The following GPCPD1 variants were observed in gnomAD, a reference collection of about 807,000 sequenced individuals.
GPCPD1 encodes the protein glycerophosphocholine phosphodiesterase GPCPD1.
Under a neutral mutation model 89.2 loss-of-function variants are expected in GPCPD1, and 29 were observed. The observed-to-expected ratio is 0.33, with a 90% CI of 0.24 to 0.44. The LOEUF (loss-of-function observed/expected upper bound fraction) is 0.44, where lower values mean the gene tolerates loss of function less well. Ranked by LOEUF, GPCPD1 falls within the 20% of genes least tolerant of loss-of-function variation. GPCPD1 has a pLI of 1.00. For missense variants in GPCPD1, 594 were observed against 808.9 expected (o/e 0.73, Z 3.22); for synonymous variants, 258 against 266.3 (o/e 0.97, Z 0.30).
chr20:5,577,709 T>G (rs1231215296), intron 8 of GPCPD1, among the ~76,000 whole-genome samples: 1 of 152,054 alleles, frequency 6.6e-6, no homozygotes, highest in Non-Finnish European at 1.5e-5. Flanking sequence ...TAATCTAGTA[T>G]AAATGGGTGT....
chr20:5,590,544 A>AAAAAAAAAAAAAAAAG (rs1979255962), intron 4 of GPCPD1, among the ~76,000 whole-genome samples: 1 of 150,274 alleles, frequency 6.7e-6, no homozygotes, highest in Non-Finnish European at 1.5e-5. Flanking sequence ...CTCTGTCTCA[A>AAAAAAAAAAAAAAAAG]AAAAAAAAAT....
chr20:5,566,669 G>A (rs1276548783), intron 14 of GPCPD1, 64 bp downstream of exon 14: 1 of 950,694 alleles, frequency 1.1e-6, no homozygotes, highest in East Asian at 2.4e-5. Context: ...TGCTAAAATC[G>A]ATTTTAAAAA....
At chr20:5,549,541 A>G in intron 19 of GPCPD1, 1 of 954,450 alleles carries the variant, frequency 1.0e-6, no homozygotes. Context: ...CAAGCAATCG[A>G]GATTTTGGAG....
chr20:5,552,575 T>G (rs1985485050), intron 19 of GPCPD1, among the ~76,000 whole-genome samples: 1 of 152,242 alleles, frequency 6.6e-6, no homozygotes, highest in African/African-American at 2.4e-5. Flanking sequence ...TTGTAATCAT[T>G]CCTTGTAACA....
Position 5,578,472 on chromosome 20 carries a change from A to G in GPCPD1, c.613T>C (p.Cys205Arg), listed in dbSNP as rs948314396. ...CGATCAGGCTGCAAGCCATAACCAC[A>G]CTCCGGCTGTGAATGCCTGCACTTG... The part of the protein sequence containing the change: ...EFKCRHSQPE[C>R]GYGLQPDRWT... Residue 205 changes from cysteine (C) to arginine (R), a missense_variant, in exon 8 of 20, where the codon TGT (cysteine) becomes CGT (arginine). Physicochemically the swap from Cys to Arg is radical, Grantham distance 180. Coordinates refer to ENST00000379019, the MANE Select transcript of GPCPD1 (RefSeq NM_019593.5). 7 of 1,613,620 alleles carry G rather than the reference A, an allele frequency of 4.3e-6. No individual in the cohort carries two copies. The highest frequency in any genetic ancestry group is 5.9e-6 in the Non-Finnish European group (7 of 1,179,780).
intron 19 of GPCPD1, among the ~76,000 whole-genome samples, chr20:5,553,724 C>T (rs959943421): frequency 1.3e-5 from 2 of 152,102 alleles, no homozygotes; most frequent in African/African-American, 4.8e-5. Context: ...TTTCCTTAAG[C>T]CAAAACCTAA....
At chr20:5,566,848 TGAAAAACTAGCAA>T (rs1986418882) in intron 13 of GPCPD1, 76 bp from the exon 14 acceptor site, 1 of 906,760 alleles carries the variant, frequency 1.1e-6, no homozygotes, top group South Asian at 1.4e-5. Context: ...GAAAATATCC[TGAAAAACTAGCAA>T]GATAAAAAAG....
chr20:5,568,245 T>C (rs1178484119), intron 12 of GPCPD1, among the ~76,000 whole-genome samples: 2 of 148,726 alleles, frequency 1.3e-5, no homozygotes, highest in African/African-American at 2.5e-5. Flanking sequence ...TATATATATA[T>C]ACTTAGTATA....
intron 10 of GPCPD1, among the ~76,000 whole-genome samples, chr20:5,575,012 T>C (rs1343402628): frequency 6.6e-6 from 1 of 152,198 alleles, no homozygotes; most frequent in Admixed American, 6.5e-5. Context: ...GAGGTCCAAG[T>C]TAACTAATAT....
rs1243650676 is a variant in GPCPD1 at position 5,597,763 on chromosome 20, G to A, written c.146+962C>T. On this transcript the variant is annotated intron_variant, in intron 3 of 19. Coordinates refer to ENST00000379019, the MANE Select transcript of GPCPD1 (RefSeq NM_019593.5). ...TAACTGAGGCCTACAGACATCAGCCGCCCAAGTTCACACTTAACTGCAGAA... is the reference window on the plus strand; with the variant it reads ...TAACTGAGGCCTACAGACATCAGCCACCCAAGTTCACACTTAACTGCAGAA... Among the ~76,000 whole-genome samples the A allele has an allele frequency of 5.3e-5, 8 of 152,092 alleles. No homozygotes were observed. The South Asian group carries it at 1.2e-3, about 24-fold the overall frequency.
chr20:5,557,806 C>T (rs545740267), intron 19 of GPCPD1, 139 bp downstream of exon 19: 34 of 577,566 alleles, frequency 5.9e-5, no homozygotes, highest in African/African-American at 5.9e-4. Flanking sequence ...ACTTTGAAAA[C>T]ACCCACAGGC....
In GPCPD1 at chr20:5,567,670, C is replaced by G. The variant is rs954650506; in HGVS notation, c.1150-110G>C. 1.4e-5 allele frequency: 14 copies of G among 987,900 alleles called. No individual in the cohort carries two copies. The Admixed American group carries it at 2.9e-4, about 20-fold the overall frequency. 61.2% of individuals were successfully genotyped at this position (987,900 alleles called of 1,614,324 possible). On this transcript the variant is annotated intron_variant, in intron 12 of 19. Coordinates refer to ENST00000379019, the MANE Select transcript of GPCPD1 (RefSeq NM_019593.5). ...CTTACACTAGACAGGCCTAGCAACTCTATTTACTCAACAATGAGAATAACT... is the reference window on the plus strand; with the variant it reads ...CTTACACTAGACAGGCCTAGCAACTGTATTTACTCAACAATGAGAATAACT...
chr20:5,592,573 A>G (rs1313396932), intron 4 of GPCPD1, among the ~76,000 whole-genome samples: 6 of 152,188 alleles, frequency 3.9e-5, no homozygotes, highest in African/African-American at 1.4e-4. Flanking sequence ...ATGACTCCCA[A>G]AGGAAATACA....
chr20:5,546,001 G>A lies in GPCPD1; in HGVS notation c.*1660C>T, dbSNP rs1006184133. Reference sequence around the variant, plus strand: ...CTAATCGAGTTACTATAAAGAAATGGTAACCGTATTGGACAAAGGTCTGCA... The same window carrying A: ...CTAATCGAGTTACTATAAAGAAATGATAACCGTATTGGACAAAGGTCTGCA... On this transcript the variant is annotated 3_prime_UTR_variant, in exon 20 of 20. Transcript: ENST00000379019. 1.3e-5 allele frequency: 2 copies of A among 152,190 alleles called. No homozygotes were observed. Among genetic ancestry groups the A allele is most frequent in the African/African-American group, 2.4e-5 (1 of 41,426 alleles). 9.4% of individuals were successfully genotyped at this position (152,190 alleles called of 1,614,324 possible).
chr20:5,573,935 A>G lies in GPCPD1; in HGVS notation c.1036T>C (p.Leu346=), dbSNP rs776438703. Residue 346 remains leucine, a synonymous_variant, in exon 11 of 20, where the codon TTA becomes CTA. Coordinates refer to ENST00000379019, the MANE Select transcript of GPCPD1 (RefSeq NM_019593.5). The part of the protein sequence containing the change: ...AKVQENTIAS[L]RNAASHGAAF... ...CTTACATGACTAGCAGCATTTCTTAAAGAAGCAATAGTATTTTCTTGAACT... is the reference window on the plus strand; with the variant it reads ...CTTACATGACTAGCAGCATTTCTTAGAGAAGCAATAGTATTTTCTTGAACT... 19 of 1,523,178 alleles carry G rather than the reference A, an allele frequency of 1.2e-5. No homozygotes were observed. The highest frequency in any genetic ancestry group is 1.7e-5 in the Non-Finnish European group (19 of 1,097,002). The allele number at this position is 1,523,178 out of a possible 1,614,324, so 94.4% of individuals were successfully genotyped here. A position where few individuals can be genotyped will look rare whatever the true frequency, so the allele number is the denominator to read the frequency against.
Position 5,563,775 on chromosome 20 carries a change from C to T in GPCPD1, c.1329+1242G>A, listed in dbSNP as rs906351077. 3.3e-5 allele frequency among the ~76,000 whole-genome samples: 5 copies of T among 152,186 alleles called. No homozygotes were observed. The East Asian group carries it at 9.6e-4, about 29-fold the overall frequency. ...TAATCAATACTTAATTTACCTTTAA[C>T]CACTGAGATTTTAATGATTTAGATT... On this transcript the variant is annotated intron_variant, in intron 15 of 19. Transcript: ENST00000379019.
At chr20:5,610,692 C>A in intron 1 of GPCPD1, 150 bp downstream of exon 1, 1 of 151,534 alleles carries the variant, frequency 6.6e-6, no homozygotes, top group South Asian at 2.0e-4. Context: ...CGCCGTTCCC[C>A]TGCGGGCAGT....
intron 14 of GPCPD1, among the ~76,000 whole-genome samples, chr20:5,566,450 T>G (rs1473266074): frequency 1.3e-5 from 2 of 152,214 alleles, no homozygotes; most frequent in African/African-American, 4.8e-5. Context: ...TATAGTTGAT[T>G]TACTTTCTAC....
intron 19 of GPCPD1, among the ~76,000 whole-genome samples, chr20:5,556,245 T>A (rs959287281): frequency 6.6e-5 from 10 of 152,188 alleles, no homozygotes; most frequent in Non-Finnish European, 1.3e-4. Flanking sequence ...TCTCACTCTG[T>A]CACCCAGACT....
Sources: allele counts gnomAD v4.1 joint callset (sites outside exome capture counted in the v4.1 genomes callset), GRCh38; gene constraint gnomAD v4.1.1; transcripts MANE v1.5; gene names NCBI Gene and HGNC (gene_info 2026-07-23, HGNC 2026-07-21).